The following ITGA9 variants were observed in gnomAD, a reference collection of about 807,000 sequenced individuals.
The protein encoded by ITGA9 is integrin alpha-9.
In ITGA9, 56 loss-of-function variants were observed where a neutral mutation model predicts 127.8. That is an observed-to-expected ratio of 0.44 (90% CI 0.35 to 0.55). ITGA9 has a LOEUF of 0.55. Ranked by LOEUF, ITGA9 falls within the 20% of genes least tolerant of loss-of-function variation. The pLI, the probability that ITGA9 is intolerant of heterozygous loss-of-function variation, is 0.00. For missense variants in ITGA9, 1,196 were observed against 1,347.1 expected (o/e 0.89, Z 1.76); for synonymous variants, 508 against 514.5 (o/e 0.99, Z 0.17).
chr3:37,774,604 A>G (rs918148481), intron 23 of ITGA9, among the ~76,000 whole-genome samples: 3 of 151,914 alleles, frequency 2.0e-5, no homozygotes, highest in Admixed American at 6.6e-5. Flanking sequence ...GCATGTGCCT[A>G]TAGTCCCAGC....
intron 15 of ITGA9, among the ~76,000 whole-genome samples, chr3:37,583,679 T>C (rs1258942934): frequency 6.6e-6 from 1 of 152,260 alleles, no homozygotes; most frequent in African/African-American, 2.4e-5. Flanking sequence ...GGATTCGATT[T>C]GTTGATCCCT....
At chr3:37,482,710 C>T (rs1698569760) in intron 4 of ITGA9, among the ~76,000 whole-genome samples, 1 of 152,256 alleles carries the variant, frequency 6.6e-6, no homozygotes, top group African/African-American at 2.4e-5. Context: ...GTAGGGTGCT[C>T]TGGGAAACGT....
At chr3:37,564,139 C>T (rs558037190) in intron 15 of ITGA9, among the ~76,000 whole-genome samples, 33 of 152,332 alleles carry the variant, frequency 2.2e-4, no homozygotes, top group Non-Finnish European at 4.0e-4. Flanking sequence ...CCTAAATGTA[C>T]TTGACCACGG....
chr3:37,649,178 C>G (rs1478202347), intron 16 of ITGA9, among the ~76,000 whole-genome samples: 1 of 146,318 alleles, frequency 6.8e-6, no homozygotes, highest in Admixed American at 6.8e-5. Context: ...GACAAAAGAA[C>G]AAGACACATA....
intron 18 of ITGA9, among the ~76,000 whole-genome samples, chr3:37,704,181 G>T (rs886727909): frequency 1.3e-5 from 2 of 152,130 alleles, no homozygotes; most frequent in South Asian, 4.1e-4. Flanking sequence ...TTTGTGGAGG[G>T]GGGCAATGGG....
At position 37,542,471 on chromosome 3, in the gene ITGA9, C is replaced by G; in HGVS notation, c.1575C>G (p.Gly525=). Residue 525 remains glycine, a synonymous_variant, in exon 15 of 28, where the codon GGC becomes GGG. Coordinates refer to ENST00000264741, the MANE Select transcript of ITGA9 (RefSeq NM_002207.3). ...LMADVAKKEK[G]QMPRVYFVLL... is the part of the protein sequence containing the mutation. ...CTGACGTGGCCAAAAAGGAGAAGGG[C>G]CAGATGCCCAGGGTCTACTTTGTGC... 1 of 1,613,918 alleles carries G rather than the reference C, an allele frequency of 6.2e-7. No individual in the cohort carries two copies.
chr3:37,689,894 C>T (rs1475066247), intron 18 of ITGA9, among the ~76,000 whole-genome samples: 1 of 152,198 alleles, frequency 6.6e-6, no homozygotes, highest in Non-Finnish European at 1.5e-5. Context: ...GTTCCAGCCA[C>T]AAGGAGACAC....
chr3:37,790,269 G>A, intron 26 of ITGA9: 2 of 545,148 alleles, frequency 3.7e-6, no homozygotes, highest in East Asian at 9.8e-5. Flanking sequence ...GCAGCAGCTT[G>A]TCATCTTTAT....
At chr3:37,635,756 A>G (rs1230442640) in intron 16 of ITGA9, among the ~76,000 whole-genome samples, 3 of 148,274 alleles carry the variant, frequency 2.0e-5, no homozygotes, top group Non-Finnish European at 4.5e-5. Context: ...CATTAGGTAT[A>G]TCTCCTAATG....
intron 5 of ITGA9, among the ~76,000 whole-genome samples, chr3:37,500,575 CCT>C (rs1440390558): frequency 6.6e-6 from 1 of 152,170 alleles, no homozygotes; most frequent in Non-Finnish European, 1.5e-5. Flanking sequence ...GCTCTATCCT[CCT>C]CTCTCTATTT....
At chr3:37,624,200 CTTTTTTTTTT>C (rs58307041) in intron 15 of ITGA9, among the ~76,000 whole-genome samples, 4 of 85,766 alleles carry the variant, frequency 4.7e-5, no homozygotes, top group Non-Finnish European at 4.2e-5. Flanking sequence ...AAAAAAAACC[CTTTTTTTTTT>C]TTTTTTTTTT....
In ITGA9 at chr3:37,579,128, C is replaced by T. The variant is rs60708271; in HGVS notation, c.1689+36543C>T. 6.3e-3 allele frequency among the ~76,000 whole-genome samples: 965 copies of T among 152,300 alleles called. 9 individuals are homozygous for T. The highest frequency in any genetic ancestry group is 0.022 in the African/African-American group (911 of 41,550). ...GTGCATAGTCCCAGGGAAGCCGTCT[C>T]ATGAGCCCCTCCTTCTCTTGACTCC... On this transcript the variant is annotated intron_variant, in intron 15 of 27. Transcript: ENST00000264741.
rs1388990053 is a variant in ITGA9, at chr3:37,702,772, G to A, written c.2067+18757G>A. Reference sequence around the variant, plus strand: ...CTCTTGACAATCACAGTTGGGAAATGTGTAATCTCAGGGTGCCTCCTTGCC... The same window carrying A: ...CTCTTGACAATCACAGTTGGGAAATATGTAATCTCAGGGTGCCTCCTTGCC... On this transcript the variant is annotated intron_variant, in intron 18 of 27. Coordinates refer to ENST00000264741, the MANE Select transcript of ITGA9 (RefSeq NM_002207.3). Among the ~76,000 whole-genome samples the A allele has an allele frequency of 2.6e-5, 4 of 152,104 alleles. 1 individual carries two copies. The highest frequency in any genetic ancestry group is 4.8e-5 in the African/African-American group (2 of 41,410).
At chr3:37,609,018 G>A (rs563277962) in intron 15 of ITGA9, among the ~76,000 whole-genome samples, 146 of 152,156 alleles carry the variant, frequency 9.6e-4, no homozygotes, top group Non-Finnish European at 1.7e-3. Context: ...TGTGTGACTC[G>A]CCCAAATTAA....
At chr3:37,719,147 C>G (rs1701164384) in intron 18 of ITGA9, among the ~76,000 whole-genome samples, 1 of 152,078 alleles carries the variant, frequency 6.6e-6, no homozygotes, top group Non-Finnish European at 1.5e-5. Flanking sequence ...CACCAGGAGG[C>G]CGTTTTGTGC....
chr3:37,594,936 A>G (rs1233503516), intron 15 of ITGA9, among the ~76,000 whole-genome samples: 1 of 152,140 alleles, frequency 6.6e-6, no homozygotes, highest in Admixed American at 6.5e-5. Context: ...GACTACAGGC[A>G]TGTACCATTG....
intron 4 of ITGA9, 67 bp downstream of exon 4, chr3:37,481,674 C>T (rs1698557231): frequency 7.0e-6 from 11 of 1,580,530 alleles, no homozygotes; most frequent in Non-Finnish European, 9.6e-6. Flanking sequence ...CTTCCCACCT[C>T]TATGCACCAC....
chr3:37,633,958 A>G (rs1700252772), intron 16 of ITGA9, among the ~76,000 whole-genome samples: 1 of 152,242 alleles, frequency 6.6e-6, no homozygotes, highest in Non-Finnish European at 1.5e-5. Context: ...AGGTTGAACC[A>G]TTATAAGTTG....
chr3:37,677,532 A>C (rs1700694958), intron 17 of ITGA9, among the ~76,000 whole-genome samples: 1 of 152,226 alleles, frequency 6.6e-6, no homozygotes, highest in Non-Finnish European at 1.5e-5. Flanking sequence ...AAATATTCTA[A>C]ATGCTAAGGA....
Sources: allele counts gnomAD v4.1 joint callset (sites outside exome capture counted in the v4.1 genomes callset), GRCh38; gene constraint gnomAD v4.1.1; transcripts MANE v1.5; gene names NCBI Gene and HGNC (gene_info 2026-07-23, HGNC 2026-07-21).